PFKFB3: variants seen among roughly 807,000 people sequenced by gnomAD.
PFKFB3 encodes the protein 6-phosphofructo-2-kinase/fructose-2,6-bisphosphatase 3.
PFKFB3 carries 33 observed loss-of-function variants against 68.0 expected under a neutral mutation model. The ratio of observed to expected loss-of-function variants is 0.49; its 90% confidence interval spans 0.37 to 0.65. The LOEUF (loss-of-function observed/expected upper bound fraction) is 0.65, where lower values mean the gene tolerates loss of function less well. PFKFB3 is among the 30% of genes least tolerant of loss of function. The pLI, the probability that PFKFB3 is intolerant of heterozygous loss-of-function variation, is 0.00. For missense variants in PFKFB3, 586 were observed against 712.2 expected, an observed-to-expected ratio of 0.82 and a Z score of 2.02; for synonymous variants, 315 against 288.2, an observed-to-expected ratio of 1.09 and a Z score of -0.94.
chr10:6,311,515 G>A, the PFKFB3 span, among the ~76,000 whole-genome samples: 76 of 150,900 alleles, frequency 5.0e-4, no homozygotes, highest in African/African-American at 1.7e-3. Flanking sequence ...CTGGGAAGCT[G>A]GGGCAGGCGA....
At chr10:6,281,876 C>T in the PFKFB3 span, among the ~76,000 whole-genome samples, 3 of 151,762 alleles carry the variant, frequency 2.0e-5, no homozygotes, top group African/African-American at 7.3e-5. Context: ...AAAACAAATT[C>T]ATGAGCTTGA....
At chr10:6,222,184 TCGTGCCTCAGGCCCCTGCAGGCCC>T (rs1435277918) in intron 10 of PFKFB3, among the ~76,000 whole-genome samples, 8 of 152,072 alleles carry the variant, frequency 5.3e-5, no homozygotes, top group African/African-American at 1.9e-4. Flanking sequence ...CTGAGCAGTG[TCGTGCCTCAGGCCCCTGCAGGCCC>T]ACTGTCCTCT....
downstream of PFKFB3, among the ~76,000 whole-genome samples, chr10:6,239,447 A>G (rs1243934724): frequency 6.6e-6 from 1 of 152,118 alleles, no homozygotes; most frequent in Non-Finnish European, 1.5e-5. Flanking sequence ...CAGGAAAGGG[A>G]GTTGAGTCGC....
At chr10:6,190,801 T>C (rs949984471) in intron 1 of PFKFB3, among the ~76,000 whole-genome samples, 1 of 152,156 alleles carries the variant, frequency 6.6e-6, no homozygotes, top group African/African-American at 2.4e-5. Context: ...ATTTCGGAGA[T>C]AGGGTCTTGC....
At chr10:6,231,197 TAAAG>T in intron 14 of PFKFB3, 2 of 1,154,364 alleles carry the variant, frequency 1.7e-6, no homozygotes, top group Non-Finnish European at 2.6e-6. Flanking sequence ...AAAATCCTAC[TAAAG>T]ATTTTCTTTT....
At chr10:6,250,404 C>G (rs2132081296) in intron 14 of PFKFB3, among the ~76,000 whole-genome samples, 1 of 152,030 alleles carries the variant, frequency 6.6e-6, no homozygotes, top group Middle Eastern at 3.4e-3. Flanking sequence ...CCTGTCTCTA[C>G]TAAAAATACA....
At chr10:6,294,369 C>A in the PFKFB3 span, 1 of 331,946 alleles carries the variant, frequency 3.0e-6, no homozygotes, top group Admixed American at 3.5e-5. Context: ...GCTGGAGAGG[C>A]CTCACAGTCA....
rs777326651 is a variant in PFKFB3, at chr10:6,146,342, G to T, written c.16+1329G>T. 3.3e-6 allele frequency: 5 copies of T among 1,530,776 alleles called. No individual in the cohort carries two copies. In the South Asian group the frequency reaches 6.0e-5, roughly 18 times the overall value. 94.8% of individuals were successfully genotyped at this position (1,530,776 alleles called of 1,614,324 possible). A position where few individuals can be genotyped will look rare whatever the true frequency, so the allele number is the denominator to read the frequency against. ...GCGTGGGCTCCTGGCGGTGAAGGGG[G>T]TGGCTGCTGACTCTCCTGTCCCGTT... is the stretch of plus-strand genomic sequence containing the variant. On this transcript the variant is annotated intron_variant, in intron 1 of 14. Transcript: ENST00000379789.
chr10:6,241,702 G>A (rs1846143348), intron 14 of PFKFB3, among the ~76,000 whole-genome samples: 1 of 152,144 alleles, frequency 6.6e-6, no homozygotes, highest in Non-Finnish European at 1.5e-5. Flanking sequence ...GATACTTTGA[G>A]GGTATGTAAA....
At chr10:6,314,261 A>G in the PFKFB3 span, among the ~76,000 whole-genome samples, 2 of 152,252 alleles carry the variant, frequency 1.3e-5, no homozygotes, top group Admixed American at 1.3e-4. Context: ...TCTAGGGTCT[A>G]TGGAAAATAC....
At chr10:6,165,108 T>TG (rs923746472) in intron 1 of PFKFB3, among the ~76,000 whole-genome samples, 2 of 152,024 alleles carry the variant, frequency 1.3e-5, no homozygotes, top group African/African-American at 4.8e-5. Context: ...GCTGTCTCAG[T>TG]GGGGGGAAAC....
the PFKFB3 span, among the ~76,000 whole-genome samples, chr10:6,266,805 A>G: frequency 6.6e-6 from 1 of 152,230 alleles, no homozygotes; most frequent in African/African-American, 2.4e-5. Context: ...GCATTAACCC[A>G]AATAAAGGGC....
intron 1 of PFKFB3, among the ~76,000 whole-genome samples, chr10:6,145,941 C>A (rs187185829): frequency 2.0e-5 from 3 of 152,336 alleles, no homozygotes; most frequent in Admixed American, 2.0e-4. Context: ...CCTCTCAGCT[C>A]AAAGACCCGG....
chr10:6,204,910 C>T (rs568170413), intron 1 of PFKFB3, among the ~76,000 whole-genome samples: 1 of 152,344 alleles, frequency 6.6e-6, no homozygotes, highest in South Asian at 2.1e-4. Context: ...AGGAGTGTCC[C>T]GTGACTTCCA....
chr10:6,168,777 A>C (rs11599186), intron 1 of PFKFB3, among the ~76,000 whole-genome samples: 1 of 152,046 alleles, frequency 6.6e-6, no homozygotes, highest in East Asian at 1.9e-4. Context: ...GAGCCCTTAC[A>C]TTCAGGCCTG....
chr10:6,259,115 T>A (rs116440017), downstream of PFKFB3, among the ~76,000 whole-genome samples: 490 of 152,102 alleles, frequency 3.2e-3, 3 homozygotes, highest in African/African-American at 0.011. Context: ...CATTCATCCA[T>A]CTATATCCAT....
downstream of PFKFB3, chr10:6,254,703 G>A (rs1846461668): frequency 5.3e-6 from 1 of 187,870 alleles, no homozygotes; most frequent in African/African-American, 2.3e-5. Flanking sequence ...TAATGTAAGT[G>A]TGCTCAGTGT....
At chr10:6,164,415 G>A (rs1028535343) in intron 1 of PFKFB3, among the ~76,000 whole-genome samples, 5 of 152,220 alleles carry the variant, frequency 3.3e-5, no homozygotes, top group African/African-American at 1.2e-4. Context: ...TGAAGAATTG[G>A]GGATGTTTAA....
In PFKFB3 at chr10:6,221,709, G is replaced by A; in HGVS notation, c.1047G>A (p.Glu349=). Residue 349 remains glutamate (E), a synonymous_variant, in exon 10 of 15, where the codon GAG becomes GAA. Coordinates refer to ENST00000379775, the MANE Select transcript of PFKFB3 (RefSeq NM_004566.4). ...DTYPEEYALR[E]QDKYYYRYPT... ...ACCCTGAGGAGTATGCGCTGCGGGA[G>A]CAGGACAAGTACTATTACCGCTACC... 6.2e-7 allele frequency: 1 copy of A among 1,608,478 alleles called. No homozygotes were observed. The highest frequency in any genetic ancestry group is 8.5e-7 in the Non-Finnish European group (1 of 1,178,140).
Sources: allele counts gnomAD v4.1 joint callset (sites outside exome capture counted in the v4.1 genomes callset), GRCh38; gene constraint gnomAD v4.1.1; transcripts MANE v1.5; gene names NCBI Gene and HGNC (gene_info 2026-07-23, HGNC 2026-07-21).